Variants in PCCB observed in about 807,000 individuals in gnomAD.
PCCB encodes propionyl-CoA carboxylase beta chain, mitochondrial.
In PCCB, 43 loss-of-function variants were observed where a neutral mutation model predicts 60.7. The ratio of observed to expected loss-of-function variants is 0.71; its 90% CI spans 0.55 to 0.91. The LOEUF (loss-of-function observed/expected upper bound fraction) is 0.91, where lower values mean the gene tolerates loss of function less well. Among genes scored for constraint, PCCB ranks in the 40% least tolerant of loss-of-function variants. The pLI, the probability that PCCB is intolerant of heterozygous loss-of-function variation, is 0.00. For missense variants in PCCB, 766 were observed against 702.8 expected (o/e 1.09, Z -1.02); for synonymous variants, 276 against 255.9 (o/e 1.08, Z -0.75).
intron 5 of PCCB, among the ~76,000 whole-genome samples, chr3:136,281,799 C>T (rs1942482388): frequency 6.6e-6 from 1 of 152,064 alleles, no homozygotes; most frequent in Non-Finnish European, 1.5e-5. Flanking sequence ...ACTGCTGGGT[C>T]CATCTGTTTG....
Position 136,250,368 on chromosome 3 carries a change from C to G in PCCB, c.-8C>G. The G allele has an allele frequency of 6.6e-7, 1 of 1,519,512 alleles. No individual in the cohort carries two copies. Among genetic ancestry groups the G allele is most frequent in the Non-Finnish European group, 8.9e-7 (1 of 1,129,298 alleles). The allele number at this position is 1,519,512 out of a possible 1,614,324, so 94.1% of individuals were successfully genotyped here. A position where few individuals can be genotyped will look rare whatever the true frequency, so the allele number is the denominator to read the frequency against. ...TGCGCCGGTAGGGGACGCGCCGGCA[C>G]AGCAAAAATGGCGGCGGCATTACGG... On this transcript the variant is annotated 5_prime_UTR_variant, in exon 1 of 15. Coordinates refer to ENST00000251654, the MANE Select transcript of PCCB (RefSeq NM_000532.5).
At chr3:136,317,209 C>T in intron 10 of PCCB, 145 bp downstream of exon 10, 11 of 330,722 alleles carry the variant, frequency 3.3e-5, no homozygotes, top group Admixed American at 1.5e-4. Context: ...GTTATAAAAG[C>T]TAATTTTTTT....
At chr3:136,311,769 G>C (rs982270964) in intron 9 of PCCB, among the ~76,000 whole-genome samples, 3 of 152,104 alleles carry the variant, frequency 2.0e-5, no homozygotes, top group African/African-American at 7.2e-5. Context: ...AGACCATCCT[G>C]GGCAACATAG....
chr3:136,322,472 A>C (rs1185888288), intron 10 of PCCB, among the ~76,000 whole-genome samples: 1 of 152,200 alleles, frequency 6.6e-6, no homozygotes, highest in African/African-American at 2.4e-5. Flanking sequence ...GGACTCATAG[A>C]ATGAGTTAGA....
chr3:136,314,933 T>C (rs890471115), intron 9 of PCCB, among the ~76,000 whole-genome samples: 1 of 152,206 alleles, frequency 6.6e-6, no homozygotes, highest in Admixed American at 6.5e-5. Context: ...AATCAACACA[T>C]TGTGCCACTT....
At chr3:136,277,694 G>T (rs2108172769) in intron 5 of PCCB, among the ~76,000 whole-genome samples, 1 of 152,278 alleles carries the variant, frequency 6.6e-6, no homozygotes, top group Admixed American at 6.5e-5. Context: ...CACAGTGTGT[G>T]GGGAGTAACA....
chr3:136,310,648 C>G (rs1267019990), intron 9 of PCCB, among the ~76,000 whole-genome samples: 2 of 152,164 alleles, frequency 1.3e-5, no homozygotes, highest in African/African-American at 4.8e-5. Context: ...CAAGAACCTT[C>G]CAAAATTTTT....
At chr3:136,299,238 A>G (rs1934081623) in intron 8 of PCCB, among the ~76,000 whole-genome samples, 1 of 152,054 alleles carries the variant, frequency 6.6e-6, no homozygotes. Context: ...GTATATGCGT[A>G]TATATGTATA....
intron 5 of PCCB, among the ~76,000 whole-genome samples, chr3:136,277,711 A>T (rs1227536061): frequency 5.3e-5 from 8 of 152,164 alleles, no homozygotes; most frequent in Non-Finnish European, 1.5e-5. Flanking sequence ...AACAGGTGGC[A>T]CTAAGCCTCA....
intron 6 of PCCB, among the ~76,000 whole-genome samples, chr3:136,289,789 C>CTTTTTTTTTT (rs147625921): frequency 0.017 from 2,436 of 141,684 alleles, 94 homozygotes; most frequent in African/African-American, 0.051. Context: ...ACATGTTATA[C>CTTTTTTTTTT]TTTTTTTTTA....
At chr3:136,293,658 T>C in intron 6 of PCCB, 98 bp from the exon 7 acceptor site, 1 of 818,646 alleles carries the variant, frequency 1.2e-6, no homozygotes, top group Non-Finnish European at 2.2e-6. Context: ...GCCACGTCAC[T>C]ATCTTCTCTG....
At chr3:136,263,223 GA>G (rs1438892679) in intron 5 of PCCB, among the ~76,000 whole-genome samples, 2 of 147,946 alleles carry the variant, frequency 1.4e-5, no homozygotes, top group Non-Finnish European at 3.0e-5. Context: ...AAAGTGCTGG[GA>G]TTACAGGTGT....
At chr3:136,308,234 CT>C (rs71157373) in intron 9 of PCCB, among the ~76,000 whole-genome samples, 32 of 130,294 alleles carry the variant, frequency 2.5e-4, no homozygotes, top group Middle Eastern at 4.4e-3. Flanking sequence ...TAAGGAAGGA[CT>C]TTTTTTTTTT....
At chr3:136,302,473 A>C (rs999618489) in intron 9 of PCCB, among the ~76,000 whole-genome samples, 1 of 120,750 alleles carries the variant, frequency 8.3e-6, no homozygotes, top group Admixed American at 9.8e-5. Context: ...CTCATTATAA[A>C]GTTTTATATC....
At chr3:136,292,125 A>G (rs1411716550) in intron 6 of PCCB, among the ~76,000 whole-genome samples, 1 of 152,146 alleles carries the variant, frequency 6.6e-6, no homozygotes, top group Non-Finnish European at 1.5e-5. Flanking sequence ...GACCTAAGAA[A>G]AACTGTTGGT....
intron 7 of PCCB, among the ~76,000 whole-genome samples, chr3:136,294,961 TAA>T (rs1371064795): frequency 6.6e-6 from 1 of 152,152 alleles, no homozygotes; most frequent in African/African-American, 2.4e-5. Context: ...TTAAAATGTA[TAA>T]AGATTATTCT....
chr3:136,268,089 T>TATAGATAG (rs1285737363), intron 5 of PCCB, among the ~76,000 whole-genome samples: 1 of 13,936 alleles, frequency 7.2e-5, no homozygotes, highest in African/African-American at 1.8e-4. Flanking sequence ...TGTGTGTAGA[T>TATAGATAG]ATATATATAT....
intron 10 of PCCB, among the ~76,000 whole-genome samples, chr3:136,325,895 G>A (rs1935288827): frequency 6.6e-6 from 1 of 151,924 alleles, no homozygotes; most frequent in Admixed American, 6.6e-5. Flanking sequence ...CTCACTGCAA[G>A]CTCCGCCTCC....
At chr3:136,260,411 C>A in intron 3 of PCCB, 68 bp from the exon 4 acceptor site, 1 of 1,294,700 alleles carries the variant, frequency 7.7e-7, no homozygotes, top group Non-Finnish European at 1.1e-6. Flanking sequence ...TCTATTTCTT[C>A]CTCCCACTGG....
Sources: gnomAD v4.1 joint callset for allele counts (sites outside exome capture counted in the v4.1 genomes callset) on GRCh38, gnomAD v4.1.1 for gene constraint, MANE v1.5 for transcripts, NCBI Gene and HGNC (gene_info 2026-07-23, HGNC 2026-07-21) for gene names.